The following MACF1 variants were observed in gnomAD, a reference collection of about 807,000 sequenced individuals.
MACF1 encodes the protein microtubule-actin cross-linking factor 1.
A neutral mutation model predicts 854.8 loss-of-function variants in MACF1; 193 were observed. That is an observed-to-expected ratio of 0.23 (90% CI 0.20 to 0.25). MACF1 has a LOEUF of 0.25. MACF1 is among the 10% of genes least tolerant of loss of function. MACF1 has a pLI of 1.00. For synonymous variants in MACF1, 3,185 were observed against 3,226.7 expected (o/e 0.99, Z 0.44); for missense variants, 7,722 against 8,929.1 (o/e 0.86, Z 5.45).
Position 39,283,003 on chromosome 1 carries a change from A to G in MACF1, c.696-186A>G, listed in dbSNP as rs1460645246. 3.6e-6 allele frequency: 2 copies of G among 554,910 alleles called. No homozygotes were observed. The highest frequency in any genetic ancestry group is 6.4e-6 in the Non-Finnish European group (2 of 313,914). The allele number at this position is 554,910 out of a possible 1,614,324, so 34.4% of individuals were successfully genotyped here. ...CCTAAACTGTATGTTTAAGTTTAGC[A>G]TTAGGGAGCACTGGGCCCCTGGTGT... On this transcript the variant is annotated intron_variant, in intron 7 of 100. Coordinates refer to ENST00000564288, the MANE Select transcript of MACF1 (RefSeq NM_001394062.1). This position sits in a 1 kb window ranked among gnomAD's most constrained non-coding sequence, Gnocchi z 4.5.
At chr1:39,117,533 GGTGTGTGTGTGTGT>G (rs67609869) in intron 2 of MACF1, among the ~76,000 whole-genome samples, 19,695 of 147,682 alleles carry the variant, frequency 0.13, 1,575 homozygotes, top group Middle Eastern at 0.2. Flanking sequence ...ACCTGCAAGA[GGTGTGTGTGTGTGT>G]GTGTGTGTGT....
chr1:39,319,635 T>C (rs1202383336), intron 30 of MACF1, 29 bp from the exon 31 acceptor site: 4 of 1,471,406 alleles, frequency 2.7e-6, no homozygotes, highest in Non-Finnish European at 3.8e-6. Context: ...GTAATGGCAA[T>C]GATAATGTTG....
intron 87 of MACF1, 103 bp from the exon 88 acceptor site, chr1:39,453,604 G>A: frequency 1.0e-6 from 1 of 1,003,516 alleles, no homozygotes; most frequent in Non-Finnish European, 1.5e-6. Flanking sequence ...GTTAACACAT[G>A]GAGGAAAAAG....
chr1:39,161,893 A>AT (rs1229966474), intron 2 of MACF1, among the ~76,000 whole-genome samples: 11 of 44,232 alleles, frequency 2.5e-4, no homozygotes, highest in South Asian at 1.3e-3. Flanking sequence ...AATAAAATAA[A>AT]TTAAAAAAAA....
intron 38 of MACF1, among the ~76,000 whole-genome samples, chr1:39,339,001 A>T (rs905278709): frequency 1.3e-5 from 2 of 152,246 alleles, no homozygotes; most frequent in African/African-American, 4.8e-5. Context: ...ACTGAGGGCC[A>T]GTCACAGTGG....
intron 56 of MACF1, among the ~76,000 whole-genome samples, chr1:39,382,379 T>C (rs775843626): frequency 6.6e-6 from 1 of 152,016 alleles, no homozygotes; most frequent in Non-Finnish European, 1.5e-5. Context: ...GATATGAGAA[T>C]GGGGAGTTTT....
chr1:39,462,242 T>A (rs560830562), intron 93 of MACF1, among the ~76,000 whole-genome samples: 208 of 152,268 alleles, frequency 1.4e-3, no homozygotes, highest in Non-Finnish European at 2.2e-3. Context: ...TCAGGCTAGA[T>A]GGATTACTCA....
intron 83 of MACF1, 60 bp downstream of exon 83, chr1:39,448,212 G>A (rs1222545543): frequency 1.2e-5 from 18 of 1,529,486 alleles, no homozygotes; most frequent in Non-Finnish European, 1.6e-5. Flanking sequence ...CTTGTATCTT[G>A]CCAAAAATAA....
At chr1:39,349,653 C>T (rs754210703) in intron 42 of MACF1, 26 bp downstream of exon 42, 11 of 1,610,676 alleles carry the variant, frequency 6.8e-6, no homozygotes, top group Non-Finnish European at 8.5e-6. Context: ...TCAATTTTGA[C>T]ACAAAGTCTC....
chr1:39,350,667 G>A, intron 42 of MACF1, 118 bp from the exon 43 acceptor site: 1 of 638,350 alleles, frequency 1.6e-6, no homozygotes, highest in Admixed American at 3.0e-5. Context: ...GAAGCAAATT[G>A]TAGTTAGGGA....
chr1:39,432,671 T>G lies in MACF1; in HGVS notation c.17457+17T>G. 6.2e-7 allele frequency: 1 copy of G among 1,610,276 alleles called. No individual in the cohort carries two copies. The highest frequency in any genetic ancestry group is 1.3e-5 in the African/African-American group (1 of 74,856). Reference sequence around the variant, plus strand: ...GTACAGAAGGTACGTGCCCACTCTTTCCTGAGCTAATAGAATCATCAGTAA... The same window carrying G: ...GTACAGAAGGTACGTGCCCACTCTTGCCTGAGCTAATAGAATCATCAGTAA... On this transcript the variant is annotated intron_variant, in intron 67 of 100. Coordinates refer to ENST00000564288, the MANE Select transcript of MACF1 (RefSeq NM_001394062.1).
At chr1:39,275,802 C>T (rs1052252016) in intron 6 of MACF1, among the ~76,000 whole-genome samples, 8 of 152,198 alleles carry the variant, frequency 5.3e-5, no homozygotes, top group African/African-American at 1.9e-4. Context: ...TTTTACCTAA[C>T]TCTAATATTG....
chr1:39,274,714 A>G (rs1645399976), intron 6 of MACF1, among the ~76,000 whole-genome samples: 2 of 152,322 alleles, frequency 1.3e-5, no homozygotes, highest in South Asian at 4.1e-4. Flanking sequence ...AAGAGCATGG[A>G]GCCAGATTGG....
intron 98 of MACF1, 46 bp from the exon 99 acceptor site, chr1:39,480,874 C>G: frequency 2.9e-6 from 3 of 1,041,494 alleles, no homozygotes; most frequent in Non-Finnish European, 4.3e-6. Flanking sequence ...CTTTTTGTTC[C>G]TTTTTCAATT....
intron 27 of MACF1, 129 bp downstream of exon 27, chr1:39,315,820 A>T: frequency 1.1e-6 from 1 of 886,900 alleles, no homozygotes; most frequent in Non-Finnish European, 1.6e-6. Context: ...TGATAATGAG[A>T]GGTCTTGGCT....
chr1:39,485,799 G>A lies in MACF1; in HGVS notation c.*5G>A, dbSNP rs1409198228. The A allele has an allele frequency of 6.3e-7, 1 of 1,575,446 alleles. No homozygotes were observed. Among genetic ancestry groups the A allele is most frequent in the East Asian group, 2.3e-5 (1 of 44,240 alleles). ...ACTCCAGGTCCCAAGCGATAACACT[G>A]TCTAAGCACCCCCAAGCCACTATCC... On this transcript the variant is annotated 3_prime_UTR_variant, in exon 101 of 101. Coordinates refer to ENST00000564288, the MANE Select transcript of MACF1 (RefSeq NM_001394062.1).
intron 2 of MACF1, among the ~76,000 whole-genome samples, chr1:39,094,928 A>G (rs1285610379): frequency 6.6e-6 from 1 of 152,034 alleles, no homozygotes; most frequent in Non-Finnish European, 1.5e-5. Context: ...CACACAGAGG[A>G]TACAGGTGAA....
Position 39,335,465 on chromosome 1 carries a change from T to C in MACF1, c.8877T>C (p.Ser2959=), listed in dbSNP as rs1304016107. ...GTGAAACGTCAGGCAAATTGCCGAG[T>C]GAGCAGGTTTTGCAGCAACCAATGA... is the stretch of plus-strand genomic sequence containing the variant. ...TYCETSGKLP[S]EQVLQQPMNA... The change falls in exon 37 of 101, where the codon AGT becomes AGC. Residue 2959 remains serine (S), a synonymous_variant. Transcript: ENST00000564288. 8 of 1,614,082 alleles carry C rather than the reference T, an allele frequency of 5.0e-6. No individual in the cohort carries two copies. Among genetic ancestry groups the C allele is most frequent in the Non-Finnish European group, 6.8e-6 (8 of 1,180,030 alleles).
chr1:39,136,768 A>T (rs931680050), intron 2 of MACF1, among the ~76,000 whole-genome samples: 6 of 152,346 alleles, frequency 3.9e-5, no homozygotes, highest in African/African-American at 1.4e-4. Context: ...GTATATGTAC[A>T]TATTACTAAA....
Sources: gnomAD v4.1 joint callset for allele counts (sites outside exome capture counted in the v4.1 genomes callset) on GRCh38, gnomAD v4.1.1 for gene constraint, Gnocchi (gnomAD v3.1) non-coding constraint, MANE v1.5 for transcripts, NCBI Gene and HGNC (gene_info 2026-07-23, HGNC 2026-07-21) for gene names.